UTRN: variants seen among roughly 807,000 people sequenced by gnomAD.
UTRN encodes the protein utrophin, also known as dystrophin-related protein 1.
UTRN carries 283 observed loss-of-function variants against 463.9 expected under a neutral mutation model. The observed-to-expected ratio is 0.61, with a 90% CI of 0.55 to 0.67. The LOEUF is 0.67. UTRN is among the 30% of genes least tolerant of loss of function. The probability of loss-of-function intolerance (pLI) is 0.00; values close to 1 mark genes in which losing one functional copy is unlikely to be tolerated. For synonymous variants in UTRN, 1,442 were observed against 1,431.5 expected (o/e 1.01, Z -0.17); for missense variants, 3,922 against 4,084.3 (o/e 0.96, Z 1.08).
chr6:144,397,762 A>G (rs766249012), intron 2 of UTRN, among the ~76,000 whole-genome samples: 1 of 152,140 alleles, frequency 6.6e-6, no homozygotes, highest in Non-Finnish European at 1.5e-5. Flanking sequence ...CCTTCTTTCC[A>G]TTAAATTATC....
intron 47 of UTRN, 90 bp from the exon 48 acceptor site, chr6:144,550,875 C>T (rs766273239): frequency 1.9e-4 from 216 of 1,155,088 alleles, no homozygotes; most frequent in Non-Finnish European, 2.3e-4. Flanking sequence ...AGGAAAACAA[C>T]GACAACTTTG....
intron 62 of UTRN, among the ~76,000 whole-genome samples, chr6:144,791,680 C>G (rs956271126): frequency 2.0e-5 from 3 of 151,780 alleles, no homozygotes; most frequent in South Asian, 2.1e-4. Context: ...TTTCTTATTA[C>G]CTGCCCCTTT....
intron 51 of UTRN, among the ~76,000 whole-genome samples, chr6:144,613,626 A>T (rs1208864691): frequency 2.0e-5 from 3 of 152,060 alleles, no homozygotes; most frequent in Non-Finnish European, 4.4e-5. Flanking sequence ...TTGAGAATTG[A>T]CTACAAAGGG....
At chr6:144,511,242 G>T in intron 35 of UTRN, 119 bp downstream of exon 35, 2 of 1,001,150 alleles carry the variant, frequency 2.0e-6, no homozygotes, top group East Asian at 3.2e-5. Flanking sequence ...GTGATGTTTT[G>T]CTTGTGAATT....
At position 144,835,816 on chromosome 6, in the gene UTRN, A is replaced by G. The variant is rs535105240; in HGVS notation, c.9702A>G (p.Gln3234=). Residue 3234 remains glutamine, a synonymous_variant, in exon 70 of 75, where the codon CAA becomes CAG. Transcript: ENST00000367545. ...ACGCCCTCATCCAGCAGTATTGCCA[A>G]ACACTCGGAGGAGAGTCCCCAGTGA... ...DEHALIQQYC[Q]TLGGESPVSQ... 3.7e-6 allele frequency: 6 copies of G among 1,614,070 alleles called. No homozygotes were observed. The highest frequency in any genetic ancestry group is 2.7e-5 in the African/African-American group (2 of 75,014).
intron 51 of UTRN, among the ~76,000 whole-genome samples, chr6:144,662,344 C>T (rs1779953106): frequency 2.6e-5 from 4 of 152,152 alleles, no homozygotes; most frequent in African/African-American, 9.7e-5. Flanking sequence ...AACCACCTTC[C>T]CCCAACAAAG....
rs989397523 is a variant in UTRN at position 144,524,340 on chromosome 6, T to C, written c.5906+1152T>C. 2.0e-5 allele frequency among the ~76,000 whole-genome samples: 3 copies of C among 152,138 alleles called. No individual in the cohort carries two copies. In the South Asian group the frequency reaches 6.2e-4, roughly 31 times the overall value. On this transcript the variant is annotated intron_variant, in intron 41 of 74. Transcript: ENST00000367545. ...AAAATAATGACATTTTAAACCCCTG[T>C]ATTATATCATGAAATTGGTTACTAT...
chr6:144,468,593 T>G (rs1790186156), intron 23 of UTRN, among the ~76,000 whole-genome samples: 1 of 141,136 alleles, frequency 7.1e-6, no homozygotes, highest in Admixed American at 7.0e-5. Flanking sequence ...CTTAAAGAAA[T>G]GTGTGTGTGT....
In UTRN at chr6:144,458,921, G is replaced by C; in HGVS notation, c.2436G>C (p.Lys812Asn). 3 of 1,613,816 alleles carry C rather than the reference G, an allele frequency of 1.9e-6. No individual in the cohort carries two copies. The highest frequency in any genetic ancestry group is 2.5e-6 in the Non-Finnish European group (3 of 1,179,950). ...AYFKQLDELE[K>N]VIKTKEEWVK... ...TCAAGCAGCTTGATGAGCTTGAAAA[G>C]GTCATCAAGACAAAGGAGGAGTGGG... is the stretch of plus-strand genomic sequence containing the variant. Residue 812 changes from lysine to asparagine, a missense_variant, in exon 20 of 75, where the codon AAG becomes AAC. This residue lies in a region of UTRN where 2,349 missense variants were observed against 2,303.8 expected (regional missense o/e 1.02). Coordinates refer to ENST00000367545, the MANE Select transcript of UTRN (RefSeq NM_007124.3).
At chr6:144,377,551 G>C (rs1258996784) in intron 2 of UTRN, among the ~76,000 whole-genome samples, 1 of 152,178 alleles carries the variant, frequency 6.6e-6, no homozygotes, top group African/African-American at 2.4e-5. Flanking sequence ...CTGTGTGTAT[G>C]AATGCAGGTG....
intron 65 of UTRN, among the ~76,000 whole-genome samples, chr6:144,806,991 C>T (rs1280048024): frequency 1.3e-5 from 2 of 152,090 alleles, no homozygotes; most frequent in African/African-American, 4.8e-5. Flanking sequence ...TTCCTAAAGT[C>T]GTTTCATGTC....
chr6:144,488,960 CA>C (rs1792754855), intron 30 of UTRN, 126 bp downstream of exon 30: 1 of 920,178 alleles, frequency 1.1e-6, no homozygotes, highest in African/African-American at 1.7e-5. Context: ...ACCTTACTTA[CA>C]GGGCAGCATT....
intron 53 of UTRN, among the ~76,000 whole-genome samples, chr6:144,728,409 T>C (rs943723277): frequency 3.9e-5 from 6 of 152,154 alleles, no homozygotes; most frequent in Non-Finnish European, 7.4e-5. Flanking sequence ...TCTTTTTTTT[T>C]CCATTTTTCT....
intron 9 of UTRN, among the ~76,000 whole-genome samples, chr6:144,434,091 G>A (rs908080857): frequency 2.1e-4 from 32 of 152,238 alleles, no homozygotes; most frequent in African/African-American, 7.2e-4. Flanking sequence ...CTGCAATCCC[G>A]GCACCTCGGG....
intron 2 of UTRN, among the ~76,000 whole-genome samples, chr6:144,343,363 AACACACACACACACACAC>A (rs3061626): frequency 5.9e-5 from 8 of 135,418 alleles, no homozygotes; most frequent in East Asian, 4.3e-4. Context: ...GTCTCTACTA[AACACACACACACACACAC>A]ACACACACAC....
intron 2 of UTRN, among the ~76,000 whole-genome samples, chr6:144,305,162 C>T (rs1020562137): frequency 1.8e-4 from 28 of 152,052 alleles, no homozygotes; most frequent in Admixed American, 1.2e-3. Flanking sequence ...AATGTTTTGA[C>T]GTATTTGATT....
At chr6:144,717,627 CTTTTTTCTTTTTTTTT>C (rs1048482708) in intron 53 of UTRN, among the ~76,000 whole-genome samples, 9 of 112,626 alleles carry the variant, frequency 8.0e-5, no homozygotes, top group African/African-American at 2.2e-4. Flanking sequence ...TTTTTCTTTT[CTTTTTTCTTTTTTTTT>C]TTTTTTTTTT....
rs911990041 is a variant in UTRN at position 144,578,611 on chromosome 6, A to G, written c.7479+1323A>G. Reference sequence around the variant, plus strand: ...CGGTCTCCCGAAGTGCTGGGATTACAGGCCTGAGCCACCGTGCCTGGCCTC... The same window carrying G: ...CGGTCTCCCGAAGTGCTGGGATTACGGGCCTGAGCCACCGTGCCTGGCCTC... On this transcript the variant is annotated intron_variant, in intron 51 of 74. Transcript: ENST00000367545. Among the ~76,000 whole-genome samples, 5 of 152,330 alleles carry G rather than the reference A, an allele frequency of 3.3e-5. No individual in the cohort carries two copies. The East Asian group carries it at 7.7e-4, about 24-fold the overall frequency.
Position 144,642,554 on chromosome 6 carries a change from G to A in UTRN, c.7480-35852G>A, listed in dbSNP as rs532756779. On this transcript the variant is annotated intron_variant, in intron 51 of 74. Coordinates refer to ENST00000367545, the MANE Select transcript of UTRN (RefSeq NM_007124.3). ...TTTTGTACTAGTGACAGGAAAGTTCGTCTAGAGATAAAATGTCACAAATCT... is the reference window on the plus strand; with the variant it reads ...TTTTGTACTAGTGACAGGAAAGTTCATCTAGAGATAAAATGTCACAAATCT... Among the ~76,000 whole-genome samples, 10 of 152,212 alleles carry A rather than the reference G, an allele frequency of 6.6e-5. No homozygotes were observed. The South Asian group carries it at 1.0e-3, about 16-fold the overall frequency.
Sources: allele counts gnomAD v4.1 joint callset (sites outside exome capture counted in the v4.1 genomes callset), GRCh38; gene constraint gnomAD v4.1.1; regional missense constraint gnomAD v4.1.1; transcripts MANE v1.5; gene names NCBI Gene and HGNC (gene_info 2026-07-23, HGNC 2026-07-21).